INPP5B: variants seen among roughly 807,000 people sequenced by gnomAD.
INPP5B encodes the protein inositol polyphosphate-5-phosphatase B, also known as type II inositol 1,4,5-trisphosphate 5-phosphatase.
In INPP5B, 90 loss-of-function variants were observed where a neutral mutation model predicts 118.5. The observed-to-expected ratio is 0.76, with a 90% CI of 0.64 to 0.90. INPP5B has a LOEUF of 0.90. Ranked by LOEUF, INPP5B falls within the 40% of genes least tolerant of loss-of-function variation. The probability of loss-of-function intolerance (pLI) is 0.00; values close to 1 mark genes in which losing one functional copy is unlikely to be tolerated. For missense variants in INPP5B, 984 were observed against 1,125.6 expected, an observed-to-expected ratio of 0.87 and a Z score of 1.80; for synonymous variants, 385 against 418.9, an observed-to-expected ratio of 0.92 and a Z score of 0.99.
At chr1:37,913,544 T>C (rs1570270438) in intron 7 of INPP5B, among the ~76,000 whole-genome samples, 1 of 152,108 alleles carries the variant, frequency 6.6e-6, no homozygotes, top group Non-Finnish European at 1.5e-5. Flanking sequence ...ATCCAGGCCA[T>C]CACCAATCAT....
chr1:37,878,475 C>G, intron 15 of INPP5B, 152 bp from the exon 16 acceptor site: 2 of 1,448,586 alleles, frequency 1.4e-6, no homozygotes, highest in Non-Finnish European at 1.8e-6. Context: ...TCGGGCCCAC[C>G]AAGGGATAAC....
chr1:37,865,463 C>A (rs764022180), intron 22 of INPP5B, among the ~76,000 whole-genome samples: 10 of 152,038 alleles, frequency 6.6e-5, no homozygotes, highest in Non-Finnish European at 1.2e-4. Context: ...GGGCACTGAA[C>A]CAAGCTAAGT....
chr1:37,895,661 C>T (rs1465216440), intron 7 of INPP5B, among the ~76,000 whole-genome samples: 3 of 152,070 alleles, frequency 2.0e-5, no homozygotes, highest in East Asian at 1.9e-4. Flanking sequence ...TGCAGGCGCG[C>T]GCCGCCACGC....
At chr1:37,941,958 A>AAAAAAAAAAAATATATATATAT (rs1427344681) in intron 5 of INPP5B, 2 of 30,384 alleles carry the variant, frequency 6.6e-5, no homozygotes, top group East Asian at 9.7e-4. Context: ...AAAAAAAAAA[A>AAAAAAAAAAAATATATATATAT]ATATATATAT....
intron 13 of INPP5B, chr1:37,883,479 T>C: frequency 3.0e-6 from 3 of 985,468 alleles, no homozygotes; most frequent in Non-Finnish European, 3.6e-6. Context: ...TGATTCCTTC[T>C]GCTGCTTTGG....
At chr1:37,900,278 C>CA (rs1644282758) in intron 7 of INPP5B, among the ~76,000 whole-genome samples, 1 of 148,884 alleles carries the variant, frequency 6.7e-6, no homozygotes, top group East Asian at 2.0e-4. Flanking sequence ...TTTTTTGAGA[C>CA]AGAGTCTCTC....
Position 37,932,160 on chromosome 1 carries a change from AGGGTT to A in INPP5B, c.392-112_392-108del, listed in dbSNP as rs771684713. On this transcript the variant is annotated intron_variant, in intron 6 of 23. Coordinates refer to ENST00000373024, the MANE Select transcript of INPP5B (RefSeq NM_005540.3). ...CGGCCCTGTTTCTCCCGCGCACAGA[AGGGTT>A]CTGTGCGCACTGAGGTTCAAATGCA... 177,156 of 1,261,138 alleles carry A rather than the reference AGGGTT, an allele frequency of 0.14. 12,672 individuals are homozygous for A. Among genetic ancestry groups the A allele is most frequent in the East Asian group, 0.17 (6,392 of 38,498 alleles). 78.1% of individuals were successfully genotyped at this position (1,261,138 alleles called of 1,614,324 possible).
At chr1:37,915,229 T>A (rs1411482355) in intron 7 of INPP5B, among the ~76,000 whole-genome samples, 1 of 152,174 alleles carries the variant, frequency 6.6e-6, no homozygotes, top group Non-Finnish European at 1.5e-5. Context: ...ATCTGAAGCC[T>A]CTTGGGCCAA....
chr1:37,944,069 T>C (rs558762870), intron 3 of INPP5B, among the ~76,000 whole-genome samples, 176 bp from the exon 4 acceptor site: 1 of 152,164 alleles, frequency 6.6e-6, no homozygotes, highest in East Asian at 1.9e-4. Context: ...GAGACTGCAG[T>C]TTTATGGATG....
chr1:37,889,554 T>C lies in INPP5B; in HGVS notation c.797+3A>G, dbSNP rs776709076. On this transcript the variant is annotated splice_donor_region_variant and intron_variant, in intron 9 of 23. Transcript: ENST00000373024. ...GAAAACATCCTAGAACCCAGTTAGC[T>C]ACCTGAAGTTCTGGATATAGGTGTA... 1 of 1,608,714 alleles carries C rather than the reference T, an allele frequency of 6.2e-7. No individual in the cohort carries two copies. The highest frequency in any genetic ancestry group is 1.1e-5 in the South Asian group (1 of 89,910).
chr1:37,931,618 C>G (rs1645464148), intron 7 of INPP5B: 8 of 1,536,942 alleles, frequency 5.2e-6, no homozygotes, highest in Non-Finnish European at 7.0e-6. Context: ...GAGGGCCGGG[C>G]GCACCGCCGC....
At chr1:37,891,778 A>G (rs1643860921) in intron 7 of INPP5B, among the ~76,000 whole-genome samples, 2 of 152,188 alleles carry the variant, frequency 1.3e-5, no homozygotes, top group Admixed American at 1.3e-4. Flanking sequence ...CCATCTCAAA[A>G]ACAAACAAAC....
chr1:37,939,320 C>T (rs1171896227), intron 6 of INPP5B, among the ~76,000 whole-genome samples: 5 of 150,374 alleles, frequency 3.3e-5, no homozygotes, highest in Admixed American at 6.6e-5. Context: ...GCCGAGATCG[C>T]GCCACTGCAC....
At chr1:37,890,302 G>C (rs1010136317) in intron 8 of INPP5B, among the ~76,000 whole-genome samples, 8 of 151,608 alleles carry the variant, frequency 5.3e-5, no homozygotes, top group Non-Finnish European at 1.0e-4. Flanking sequence ...TTGAACCTGG[G>C]AGACGGAGGC....
At chr1:37,935,512 G>A (rs1026194738) in intron 6 of INPP5B, among the ~76,000 whole-genome samples, 3 of 151,544 alleles carry the variant, frequency 2.0e-5, no homozygotes, top group Non-Finnish European at 4.4e-5. Flanking sequence ...TTATCTCTGC[G>A]GATGAAGTTG....
At chr1:37,900,583 G>GGA (rs941544987) in intron 7 of INPP5B, among the ~76,000 whole-genome samples, 5 of 148,706 alleles carry the variant, frequency 3.4e-5, no homozygotes, top group Non-Finnish European at 7.5e-5. Flanking sequence ...TTTGTCTGGT[G>GGA]TTCCCACAGA....
rs1641660992 is a variant in INPP5B, at chr1:37,860,935, C to G, written c.*1380G>C. On this transcript the variant is annotated 3_prime_UTR_variant, in exon 24 of 24. Transcript: ENST00000373024. ...AAACTCCTGTGCTCAAGTGAGCCAC[C>G]CACGTCAGCCTCCCAAGTAACTGGG... is the stretch of plus-strand genomic sequence containing the variant. 1 of 152,198 alleles carries G rather than the reference C, an allele frequency of 6.6e-6. No homozygotes were observed. Among genetic ancestry groups the G allele is most frequent in the African/African-American group, 2.4e-5 (1 of 41,436 alleles). The allele number at this position is 152,198 out of a possible 1,614,324, so 9.4% of individuals were successfully genotyped here. A position where few individuals can be genotyped will look rare whatever the true frequency, so the allele number is the denominator to read the frequency against.
chr1:37,945,136 A>C (rs1343916878), intron 3 of INPP5B, among the ~76,000 whole-genome samples: 1 of 151,986 alleles, frequency 6.6e-6, no homozygotes, highest in Non-Finnish European at 1.5e-5. Flanking sequence ...TCTCTAAAAA[A>C]AAGATCATGT....
chr1:37,927,759 A>G (rs527373030), intron 7 of INPP5B, among the ~76,000 whole-genome samples: 1,724 of 151,910 alleles, frequency 0.011, 35 homozygotes, highest in African/African-American at 0.038. Flanking sequence ...GGATGGTCTC[A>G]ATCTCCTGAC....
Sources: gnomAD v4.1 joint callset for allele counts (sites outside exome capture counted in the v4.1 genomes callset) on GRCh38, gnomAD v4.1.1 for gene constraint, MANE v1.5 for transcripts, NCBI Gene and HGNC (gene_info 2026-07-23, HGNC 2026-07-21) for gene names.